The following APCDD1L variants were observed in gnomAD, a reference collection of about 807,000 sequenced individuals.
APCDD1L encodes APC down-regulated 1 like, also known as protein APCDD1-like.
A neutral mutation model predicts 24.2 loss-of-function variants in APCDD1L; 21 were observed. The observed-to-expected ratio is 0.87, with a 90% CI of 0.61 to 1.25. The LOEUF (loss-of-function observed/expected upper bound fraction) is 1.25. APCDD1L is among the 50% of genes most tolerant of loss of function. The pLI, the probability that APCDD1L is intolerant of heterozygous loss-of-function variation, is 0.00. For synonymous variants in APCDD1L, 321 were observed against 323.6 expected (o/e 0.99, Z 0.09); for missense variants, 704 against 711.7 (o/e 0.99, Z 0.12).
At chr20:58,503,390 C>G (rs2123188356) in intron 1 of APCDD1L, among the ~76,000 whole-genome samples, 1 of 152,314 alleles carries the variant, frequency 6.6e-6, no homozygotes, top group South Asian at 2.1e-4. Context: ...ATGGGCCAAA[C>G]AGTAGACTTC....
chr20:58,465,435 T>C (rs1989688887), intron 3 of APCDD1L, among the ~76,000 whole-genome samples: 2 of 152,272 alleles, frequency 1.3e-5, no homozygotes, highest in South Asian at 4.2e-4. Context: ...GGTTAGAAGT[T>C]GCCTCATTGG....
chr20:58,479,769 G>C (rs1989989580), intron 1 of APCDD1L, among the ~76,000 whole-genome samples: 1 of 152,134 alleles, frequency 6.6e-6, no homozygotes, highest in Non-Finnish European at 1.5e-5. Flanking sequence ...ATTAGAGGAG[G>C]CTGCCTTTTA....
intron 2 of APCDD1L, among the ~76,000 whole-genome samples, chr20:58,468,182 ATATTTT>A (rs1306467890): frequency 3.3e-5 from 5 of 152,150 alleles, no homozygotes; most frequent in African/African-American, 9.7e-5. Context: ...TGAGTAATAA[ATATTTT>A]TGTTTTGGTG....
rs776171128 is a variant in APCDD1L at position 58,467,553 on chromosome 20, C to G, written c.294G>C (p.Gly98=). ...TGACGAGCAGCGAGTGGGCAGGTTC[C>G]CCGCAGAAGGGGTCCTCGTAGTAGA... is the stretch of plus-strand genomic sequence containing the variant. The part of the protein sequence containing the change: ...HQFYYEDPFC[G]EPAHSLLVKG... Residue 98 remains glycine, a synonymous_variant, in exon 3 of 4, where the codon GGG becomes GGC. Coordinates refer to ENST00000371149, the MANE Select transcript of APCDD1L (RefSeq NM_153360.3). This position sits in a 1 kb window ranked among gnomAD's most constrained non-coding sequence, Gnocchi z 5.9. 15 of 1,585,064 alleles carry G rather than the reference C, an allele frequency of 9.5e-6. 1 individual carries two copies. The South Asian group carries it at 1.7e-4, about 18-fold the overall frequency.
chr20:58,475,088 C>T (rs1191450356), intron 1 of APCDD1L, among the ~76,000 whole-genome samples: 1 of 152,132 alleles, frequency 6.6e-6, no homozygotes, highest in African/African-American at 2.4e-5. Context: ...CCTGGGGCCA[C>T]AATTTATGTT....
intron 1 of APCDD1L, among the ~76,000 whole-genome samples, chr20:58,509,156 T>C (rs1397392919): frequency 6.6e-6 from 1 of 152,078 alleles, no homozygotes; most frequent in Non-Finnish European, 1.5e-5. Context: ...GTGAAGGCCC[T>C]GAGGGAGTCG....
intron 1 of APCDD1L, among the ~76,000 whole-genome samples, chr20:58,480,684 C>T (rs1273148215): frequency 6.6e-6 from 1 of 152,182 alleles, no homozygotes; most frequent in Non-Finnish European, 1.5e-5. Context: ...GGAATGGGGG[C>T]CTGGGGAGAC....
intron 1 of APCDD1L, among the ~76,000 whole-genome samples, chr20:58,495,696 G>A (rs557994934): frequency 6.6e-6 from 1 of 152,174 alleles, no homozygotes; most frequent in Non-Finnish European, 1.5e-5. Context: ...GGGGAAAGGG[G>A]TGAGGTGGGT....
At position 58,493,545 on chromosome 20, in the gene APCDD1L, C is replaced by T. The variant is rs538345431; in HGVS notation, c.49+21114G>A. 2.0e-5 allele frequency among the ~76,000 whole-genome samples: 3 copies of T among 152,302 alleles called. No homozygotes were observed. The East Asian group carries it at 5.8e-4, about 29-fold the overall frequency. ...TGAAAATGGAGGAACTACAGCCACA[C>T]CTAATAGTGTGCTCACACCTTAGAA... is the stretch of plus-strand genomic sequence containing the variant. On this transcript the variant is annotated intron_variant, in intron 1 of 3. Coordinates refer to ENST00000371149, the MANE Select transcript of APCDD1L (RefSeq NM_153360.3).
Position 58,467,783 on chromosome 20 carries a change from C to T in APCDD1L, c.189-125G>A. 2.0e-6 allele frequency: 2 copies of T among 994,198 alleles called. No homozygotes were observed. 61.6% of individuals were successfully genotyped at this position (994,198 alleles called of 1,614,324 possible). A position where few individuals can be genotyped will look rare whatever the true frequency, so the allele number is the denominator to read the frequency against. On this transcript the variant is annotated intron_variant, in intron 2 of 3. Transcript: ENST00000371149. This position sits in a 1 kb window ranked among gnomAD's most constrained non-coding sequence, Gnocchi z 5.9. ...TCTTAGTCCTCAGCTCAGGCCTGGG[C>T]CCCTCCAGCCTCAGTTCCCCTCACT...
At chr20:58,474,668 C>T (rs1989873667) in intron 1 of APCDD1L, among the ~76,000 whole-genome samples, 1 of 152,230 alleles carries the variant, frequency 6.6e-6, no homozygotes, top group Non-Finnish European at 1.5e-5. Context: ...CATGTCATTG[C>T]ACTCCAGACT....
At chr20:58,463,000 G>A (rs920535721) in intron 3 of APCDD1L, among the ~76,000 whole-genome samples, 2 of 151,888 alleles carry the variant, frequency 1.3e-5, no homozygotes, top group Admixed American at 6.6e-5. Flanking sequence ...AAATTAGCCA[G>A]GTGTGGTGGT....
rs780213035 is a variant in APCDD1L, at chr20:58,467,275, A to T, written c.572T>A (p.Leu191His). The T allele has an allele frequency of 1.2e-5, 18 of 1,564,620 alleles. No individual in the cohort carries two copies. The highest frequency in any genetic ancestry group is 1.5e-5 in the Non-Finnish European group (18 of 1,161,868). ...GACCAGGCTGAGCTCGTGCATGGTG[A>T]GGCCCAGCGCCTCCAGGCAGTCCCC... ...AQGDCLEALG[L>H]TMHELSLVRV... The change falls in exon 3 of 4, where the codon CTC becomes CAC. Residue 191 changes from leucine (L) to histidine (H), a missense_variant. By Grantham distance (99) the Leu-to-His change is moderately conservative (BLOSUM62 -3). Coordinates refer to ENST00000371149, the MANE Select transcript of APCDD1L (RefSeq NM_153360.3). The surrounding 1 kb of genome is among the most constrained non-coding windows in gnomAD (Gnocchi z 5.9).
chr20:58,498,543 G>T (rs1052195310), intron 1 of APCDD1L, among the ~76,000 whole-genome samples: 1 of 152,220 alleles, frequency 6.6e-6, no homozygotes, highest in East Asian at 1.9e-4. Flanking sequence ...TGCTGGCCTC[G>T]GGGGAAGCTG....
chr20:58,467,449 C>G lies in APCDD1L; in HGVS notation c.398G>C (p.Gly133Ala), dbSNP rs1217750936. Residue 133 changes from glycine (G) to alanine (A), a missense_variant, in exon 3 of 4, where the codon GGC becomes GCC. Physicochemically the swap from Gly to Ala is moderately conservative, Grantham distance 60. Coordinates refer to ENST00000371149, the MANE Select transcript of APCDD1L (RefSeq NM_153360.3). This position sits in a 1 kb window ranked among gnomAD's most constrained non-coding sequence, Gnocchi z 5.9. ...TEADYHLHKV[G>A]IVFHSRRALV... ...GGCCCGGCGGCTGTGGAAGACGATGCCCACCTTGTGCAGGTGGTAGTCGGC... is the reference window on the plus strand; with the variant it reads ...GGCCCGGCGGCTGTGGAAGACGATGGCCACCTTGTGCAGGTGGTAGTCGGC... 1.3e-6 allele frequency: 2 copies of G among 1,587,280 alleles called. No homozygotes were observed. Among genetic ancestry groups the G allele is most frequent in the Non-Finnish European group, 8.6e-7 (1 of 1,169,070 alleles).
chr20:58,489,221 C>A (rs1395243197), intron 1 of APCDD1L, among the ~76,000 whole-genome samples: 1 of 151,986 alleles, frequency 6.6e-6, no homozygotes, highest in Non-Finnish European at 1.5e-5. Flanking sequence ...AACAAACAAA[C>A]CAACCAAAAC....
chr20:58,485,143 T>TAC (rs3069429), intron 1 of APCDD1L, among the ~76,000 whole-genome samples: 14,421 of 149,180 alleles, frequency 0.097, 917 homozygotes, highest in African/African-American at 0.19. Flanking sequence ...TAGGTTGTGG[T>TAC]ACACACACAC....
intron 1 of APCDD1L, among the ~76,000 whole-genome samples, chr20:58,503,504 A>C (rs1880025113): frequency 6.6e-6 from 1 of 152,218 alleles, no homozygotes; most frequent in Non-Finnish European, 1.5e-5. Flanking sequence ...CACTATGGCC[A>C]CTGGTAATTC....
intron 1 of APCDD1L, among the ~76,000 whole-genome samples, chr20:58,471,621 G>A (rs1004768072): frequency 6.6e-6 from 1 of 152,212 alleles, no homozygotes; most frequent in Admixed American, 6.5e-5. Flanking sequence ...ATCTTTTCTC[G>A]GGCTGCTGAG....
Sources: allele counts gnomAD v4.1 joint callset (sites outside exome capture counted in the v4.1 genomes callset), GRCh38; gene constraint gnomAD v4.1.1; non-coding constraint Gnocchi (gnomAD v3.1); transcripts MANE v1.5; gene names NCBI Gene and HGNC (gene_info 2026-07-23, HGNC 2026-07-21).